SIPA1L3: variants seen among roughly 807,000 people sequenced by gnomAD.
The protein encoded by SIPA1L3 is signal-induced proliferation-associated 1-like protein 3.
SIPA1L3 carries 59 observed loss-of-function variants against 150.1 expected under a neutral mutation model. The ratio of observed to expected loss-of-function variants is 0.39; its 90% confidence interval spans 0.32 to 0.49. The LOEUF is 0.49. Among genes scored for constraint, SIPA1L3 ranks in the 20% least tolerant of loss-of-function variants. The pLI, the probability that SIPA1L3 is intolerant of heterozygous loss-of-function variation, is 0.86. For synonymous variants in SIPA1L3, 1,070 were observed against 1,077.6 expected (o/e 0.99, Z 0.14); for missense variants, 2,211 against 2,489.5 (o/e 0.89, Z 2.38).
chr19:37,946,422 C>T (rs1392313396), intron 1 of SIPA1L3, among the ~76,000 whole-genome samples: 2 of 152,164 alleles, frequency 1.3e-5, no homozygotes, highest in Non-Finnish European at 2.9e-5. Flanking sequence ...CATCAGCCAC[C>T]ATCCATGGCC....
chr19:38,189,394 G>A (rs1972758102), intron 16 of SIPA1L3, among the ~76,000 whole-genome samples: 1 of 152,052 alleles, frequency 6.6e-6, no homozygotes, highest in South Asian at 2.1e-4. Flanking sequence ...GCCTCCCAAA[G>A]TGCTGGGATT....
intron 2 of SIPA1L3, among the ~76,000 whole-genome samples, chr19:38,053,902 A>C (rs909867792): frequency 6.7e-6 from 1 of 149,068 alleles, no homozygotes; most frequent in Non-Finnish European, 1.5e-5. Flanking sequence ...TGCAAAAGTA[A>C]TTGTGGTTTT....
chr19:38,162,440 C>T, intron 14 of SIPA1L3, 69 bp downstream of exon 14: 7 of 1,118,118 alleles, frequency 6.3e-6, no homozygotes, highest in Non-Finnish European at 9.5e-6. Flanking sequence ...CTGAGCTTCA[C>T]ACTTGAGCAC....
intron 1 of SIPA1L3, among the ~76,000 whole-genome samples, chr19:38,022,555 C>CA (rs973558010): frequency 6.8e-6 from 1 of 146,892 alleles, no homozygotes; most frequent in African/African-American, 2.5e-5. Context: ...CAGACACACA[C>CA]AAAAAAATCG....
At chr19:38,149,059 G>A (rs1971764619) in intron 12 of SIPA1L3, among the ~76,000 whole-genome samples, 1 of 152,120 alleles carries the variant, frequency 6.6e-6, no homozygotes, top group Non-Finnish European at 1.5e-5. Flanking sequence ...CCCAATGAAT[G>A]GTCAACATAG....
At chr19:38,192,415 C>G in intron 17 of SIPA1L3, 105 bp downstream of exon 17, 1 of 1,099,622 alleles carries the variant, frequency 9.1e-7, no homozygotes, top group South Asian at 1.7e-5. Flanking sequence ...ACGCCAGCTC[C>G]TTCCCGTCGT....
intron 1 of SIPA1L3, among the ~76,000 whole-genome samples, chr19:37,967,934 C>T (rs1460282001): frequency 1.3e-5 from 2 of 151,048 alleles, no homozygotes; most frequent in Admixed American, 6.7e-5. Context: ...GTTGGGATTA[C>T]GGGAGTGAGC....
rs184510977 is a variant in SIPA1L3, at chr19:38,107,863, G to C, written c.2133+1223G>C. 8.3e-4 allele frequency among the ~76,000 whole-genome samples: 127 copies of C among 152,134 alleles called. 3 individuals are homozygous for C. The East Asian group carries it at 0.018, about 22-fold the overall frequency. On this transcript the variant is annotated intron_variant, in intron 7 of 21. Coordinates refer to ENST00000222345, the MANE Select transcript of SIPA1L3 (RefSeq NM_015073.3). ...ATGGTGGCGTGTGCCTATAGTCCCAGCTACTCAGGAAGCTGAGGCATGAGA... is the reference window on the plus strand; with the variant it reads ...ATGGTGGCGTGTGCCTATAGTCCCACCTACTCAGGAAGCTGAGGCATGAGA...
intron 1 of SIPA1L3, among the ~76,000 whole-genome samples, chr19:37,999,974 A>G (rs1599884372): frequency 6.6e-6 from 1 of 152,184 alleles, no homozygotes; most frequent in Admixed American, 6.5e-5. Context: ...GACCTTGAGA[A>G]AGTTGCGTAA....
chr19:38,136,508 G>A (rs372975975), intron 10 of SIPA1L3, among the ~76,000 whole-genome samples: 10 of 152,274 alleles, frequency 6.6e-5, no homozygotes, highest in African/African-American at 2.2e-4. Flanking sequence ...AGAGGCTGAG[G>A]CAGGAGAATC....
At chr19:38,171,672 C>G (rs1490523849) in intron 15 of SIPA1L3, among the ~76,000 whole-genome samples, 1 of 152,040 alleles carries the variant, frequency 6.6e-6, no homozygotes, top group Non-Finnish European at 1.5e-5. Context: ...AGATTACAGG[C>G]ATGAGCCACC....
At chr19:38,074,981 T>G (rs855621) in intron 2 of SIPA1L3, among the ~76,000 whole-genome samples, 24,527 of 152,166 alleles carry the variant, frequency 0.16, 2,118 homozygotes, top group African/African-American at 0.22. Flanking sequence ...CAGTCCTCCC[T>G]CCTCAGCCTC....
At chr19:38,196,954 C>T (rs891958562) in intron 18 of SIPA1L3, among the ~76,000 whole-genome samples, 3 of 152,142 alleles carry the variant, frequency 2.0e-5, no homozygotes, top group Non-Finnish European at 4.4e-5. Flanking sequence ...AAATAGTGCC[C>T]ACATCCCTGG....
chr19:38,140,384 G>A (rs918763968), intron 10 of SIPA1L3, among the ~76,000 whole-genome samples: 2 of 144,196 alleles, frequency 1.4e-5, no homozygotes, highest in Non-Finnish European at 3.0e-5. Flanking sequence ...TTTCAAGGTT[G>A]TAGATTTCAT....
intron 11 of SIPA1L3, among the ~76,000 whole-genome samples, 198 bp downstream of exon 11, chr19:38,141,633 C>T (rs946323281): frequency 2.0e-5 from 3 of 152,132 alleles, no homozygotes; most frequent in Non-Finnish European, 4.4e-5. Flanking sequence ...TGTCTGGGGA[C>T]CCAGTGCTGG....
In SIPA1L3 at chr19:38,204,088, T is replaced by G; in HGVS notation, c.5121-39T>G. Reference sequence around the variant, plus strand: ...TGGGCCAGAAGCCTTCCCCAGGGGCTTTAGGGCCTCAGGCTGACCTTGTCC... The same window carrying G: ...TGGGCCAGAAGCCTTCCCCAGGGGCGTTAGGGCCTCAGGCTGACCTTGTCC... On this transcript the variant is annotated intron_variant, in intron 20 of 21. Transcript: ENST00000222345. 2.0e-6 allele frequency: 3 copies of G among 1,522,938 alleles called. No individual in the cohort carries two copies. In the South Asian group the frequency reaches 3.6e-5, roughly 18 times the overall value. 94.3% of individuals were successfully genotyped at this position (1,522,938 alleles called of 1,614,324 possible). A position where few individuals can be genotyped will look rare whatever the true frequency, so the allele number is the denominator to read the frequency against.
chr19:38,141,057 CAAAAA>C (rs551813100), intron 10 of SIPA1L3, 122 bp from the exon 11 acceptor site: 5,049 of 392,430 alleles, frequency 0.013, no homozygotes, highest in South Asian at 0.016. Context: ...GACTCTGTCT[CAAAAA>C]AAAAAAAAAA....
intron 2 of SIPA1L3, among the ~76,000 whole-genome samples, chr19:38,069,330 A>G (rs1327435421): frequency 3.3e-5 from 5 of 152,136 alleles, no homozygotes; most frequent in Non-Finnish European, 7.4e-5. Context: ...CTTCATACCT[A>G]TAACTGCCAC....
In SIPA1L3 at chr19:38,119,722, G is replaced by T. The variant is rs546328889; in HGVS notation, c.2708G>T (p.Arg903Leu). Residue 903 changes from arginine (R) to leucine (L), a missense_variant, in exon 9 of 22, where the codon CGC becomes CTC. By Grantham distance (102) the Arg-to-Leu change is moderately radical. Transcript: ENST00000222345. Reference sequence around the variant, plus strand: ...GAGTTTGTGGTGCTCCTGGACTTACGCACCAAGGAGGTGGTGTTCAACTGC... The same window carrying T: ...GAGTTTGTGGTGCTCCTGGACTTACTCACCAAGGAGGTGGTGTTCAACTGC... ...SNEFVVLLDL[R>L]TKEVVFNCYC... The T allele has an allele frequency of 6.2e-7, 1 of 1,614,130 alleles. No homozygotes were observed. Among genetic ancestry groups the T allele is most frequent in the South Asian group, 1.1e-5 (1 of 91,076 alleles).
Sources: allele counts gnomAD v4.1 joint callset (sites outside exome capture counted in the v4.1 genomes callset), GRCh38; gene constraint gnomAD v4.1.1; transcripts MANE v1.5; gene names NCBI Gene and HGNC (gene_info 2026-07-23, HGNC 2026-07-21).